Variants in RIMBP2 observed in about 807,000 individuals in gnomAD.
RIMBP2 encodes the protein RIMS binding protein 2.
Under a neutral mutation model 118.6 loss-of-function variants are expected in RIMBP2, and 48 were observed. That is an observed-to-expected ratio of 0.40 (90% CI 0.32 to 0.51). RIMBP2 has a LOEUF of 0.51. RIMBP2 is among the 20% of genes least tolerant of loss of function. The pLI is 0.41. For missense variants in RIMBP2, 1,551 were observed against 1,768.3 expected, an observed-to-expected ratio of 0.88 and a Z score of 2.20; for synonymous variants, 762 against 742.9, an observed-to-expected ratio of 1.03 and a Z score of -0.42.
At chr12:130,495,979 C>A (rs1297596020) in intron 4 of RIMBP2, among the ~76,000 whole-genome samples, 1 of 152,198 alleles carries the variant, frequency 6.6e-6, no homozygotes, top group South Asian at 2.1e-4. Flanking sequence ...CTGAGATCAA[C>A]GGGAACGTCC....
intron 4 of RIMBP2, among the ~76,000 whole-genome samples, chr12:130,484,563 C>A (rs556723218): frequency 4.0e-4 from 61 of 152,352 alleles, no homozygotes; most frequent in African/African-American, 1.4e-3. Flanking sequence ...AGGCACCTTG[C>A]CCCACTGTGT....
Position 130,645,621 on chromosome 12 carries a change from C to T in RIMBP2, c.-351-17165G>A, listed in dbSNP as rs566237407. Among the ~76,000 whole-genome samples, 5 of 152,306 alleles carry T rather than the reference C, an allele frequency of 3.3e-5. No homozygotes were observed. The East Asian group carries it at 9.7e-4, about 29-fold the overall frequency. ...AAGCACATAGCCTGGGGGACAAGGT[C>T]AAAGCCATTTTGTGGCTACAAGAGG... is the stretch of plus-strand genomic sequence containing the variant. On this transcript the variant is annotated intron_variant, in intron 1 of 22. Transcript: ENST00000690449.
rs146016428 is a variant in RIMBP2 at position 130,431,503 on chromosome 12, A to G, written c.2254-3166T>C. 5.3e-5 allele frequency: 18 copies of G among 336,656 alleles called. No homozygotes were observed. The highest frequency in any genetic ancestry group is 3.5e-4 in the African/African-American group (17 of 48,036). The allele number at this position is 336,656 out of a possible 1,614,324, so 20.9% of individuals were successfully genotyped here. Reference sequence around the variant, plus strand: ...TGAATCAATATTTAACGTTACTTTTAAAGAAAATATCTCAACTGTAAATGG... The same window carrying G: ...TGAATCAATATTTAACGTTACTTTTGAAGAAAATATCTCAACTGTAAATGG... On this transcript the variant is annotated intron_variant, in intron 14 of 22. Coordinates refer to ENST00000690449, the MANE Select transcript of RIMBP2 (RefSeq NM_001393629.1). The surrounding 1 kb of genome is among the most constrained non-coding windows in gnomAD (Gnocchi z 4.0).
At chr12:130,453,298 G>C (rs1004944038) in intron 7 of RIMBP2, among the ~76,000 whole-genome samples, 7 of 152,238 alleles carry the variant, frequency 4.6e-5, no homozygotes, top group African/African-American at 1.7e-4. Flanking sequence ...GAGTCCCTTT[G>C]TGGCCTGCCC....
intron 1 of RIMBP2, among the ~76,000 whole-genome samples, chr12:130,635,551 G>C (rs531616080): frequency 1.7e-4 from 26 of 152,284 alleles, no homozygotes; most frequent in Non-Finnish European, 2.5e-4. Context: ...TGGGACCCAA[G>C]CTGACAGAAT....
chr12:130,650,697 C>G (rs1282361180), intron 1 of RIMBP2, among the ~76,000 whole-genome samples: 1 of 152,130 alleles, frequency 6.6e-6, no homozygotes, highest in Non-Finnish European at 1.5e-5. Context: ...GTCTGAAGAC[C>G]CCTTTCCACC....
intron 2 of RIMBP2, among the ~76,000 whole-genome samples, chr12:130,551,871 C>G (rs73156914): frequency 0.18 from 27,717 of 152,220 alleles, 2,716 homozygotes; most frequent in East Asian, 0.26. Flanking sequence ...TACATTAAAT[C>G]CCCAAGTCAC....
rs1307637593 is a variant in RIMBP2 at position 130,615,274 on chromosome 12, TAC to T, written c.-217+13046_-217+13047del. Among the ~76,000 whole-genome samples, 21 of 77,672 alleles carry T rather than the reference TAC, an allele frequency of 2.7e-4. 1 individual carries two copies. The highest frequency in any genetic ancestry group is 1.5e-3 in the South Asian group (3 of 1,936). 51.0% of individuals were successfully genotyped at this position (77,672 alleles called of 152,430 possible). ...ATTATGTATATATACATAATACACA[TAC>T]ATATATATATATATATATATGTGTA... On this transcript the variant is annotated intron_variant, in intron 2 of 22. Coordinates refer to ENST00000690449, the MANE Select transcript of RIMBP2 (RefSeq NM_001393629.1).
chr12:130,713,605 C>G (rs1427980441), intron 1 of RIMBP2, among the ~76,000 whole-genome samples: 1 of 152,258 alleles, frequency 6.6e-6, no homozygotes, highest in East Asian at 1.9e-4. Flanking sequence ...ACCAGCACAG[C>G]CGATCCGGTT....
At chr12:130,553,735 C>A (rs1237956775) in intron 2 of RIMBP2, among the ~76,000 whole-genome samples, 1 of 152,162 alleles carries the variant, frequency 6.6e-6, no homozygotes, top group Non-Finnish European at 1.5e-5. Flanking sequence ...CTGAGGGAAA[C>A]CTTGTCTTGA....
At chr12:130,485,503 G>A (rs1443036413) in intron 4 of RIMBP2, among the ~76,000 whole-genome samples, 4 of 152,284 alleles carry the variant, frequency 2.6e-5, no homozygotes, top group South Asian at 4.1e-4. Context: ...AGCAGCTTTC[G>A]ACTTCCTCGC....
At chr12:130,471,200 G>T (rs571274606) in intron 5 of RIMBP2, among the ~76,000 whole-genome samples, 1 of 152,358 alleles carries the variant, frequency 6.6e-6, no homozygotes, top group East Asian at 1.9e-4. Flanking sequence ...GCAGCCTGTG[G>T]CAGGGCCGCC....
At chr12:130,612,182 G>C (rs2060597451) in intron 2 of RIMBP2, among the ~76,000 whole-genome samples, 1 of 152,014 alleles carries the variant, frequency 6.6e-6, no homozygotes. Context: ...GCAGCTGCTT[G>C]GATTGACCTG....
intron 2 of RIMBP2, among the ~76,000 whole-genome samples, chr12:130,547,721 A>C (rs2055319154): frequency 1.3e-5 from 2 of 152,230 alleles, no homozygotes; most frequent in Non-Finnish European, 2.9e-5. Flanking sequence ...CTGGTTCTTC[A>C]GTAACTCTCC....
chr12:130,653,855 T>C (rs1190568573), intron 1 of RIMBP2, among the ~76,000 whole-genome samples: 1 of 152,198 alleles, frequency 6.6e-6, no homozygotes, highest in African/African-American at 2.4e-5. Flanking sequence ...CAGGGTCCTT[T>C]GAGCTGAGGC....
Position 130,424,297 on chromosome 12 carries a change from C to G in RIMBP2, c.2974G>C (p.Gly992Arg). 1 of 1,231,590 alleles carries G rather than the reference C, an allele frequency of 8.1e-7. No individual in the cohort carries two copies. Among genetic ancestry groups the G allele is most frequent in the Non-Finnish European group, 1.0e-6 (1 of 987,802 alleles). 76.3% of individuals were successfully genotyped at this position (1,231,590 alleles called of 1,614,324 possible). The change falls in exon 16 of 23, where the codon GGC becomes CGC. Residue 992 changes from glycine (G) to arginine (R), a missense_variant. Transcript: ENST00000690449. This position sits in a 1 kb window ranked among gnomAD's most constrained non-coding sequence, Gnocchi z 9.8. ...TTCCTGGGGGGCGGCCTCTCCGGGC[C>G]GGGCTGGGGGTCGTCGTTCCTGAGG... ...GLLRNDDPQP[G>R]PERPPPRKHG...
At chr12:130,636,397 C>T (rs564760990) in intron 1 of RIMBP2, among the ~76,000 whole-genome samples, 77 of 152,272 alleles carry the variant, frequency 5.1e-4, no homozygotes, top group Middle Eastern at 3.4e-3. Flanking sequence ...TCTTATTTAC[C>T]AGCTGGTTCT....
chr12:130,462,133 T>C (rs1204504939), intron 6 of RIMBP2, among the ~76,000 whole-genome samples: 5 of 152,178 alleles, frequency 3.3e-5, no homozygotes, highest in African/African-American at 1.2e-4. Flanking sequence ...GGGGGTCAGG[T>C]TGGATCAAAT....
At chr12:130,625,548 C>T (rs1300996044) in intron 2 of RIMBP2, among the ~76,000 whole-genome samples, 3 of 150,978 alleles carry the variant, frequency 2.0e-5, no homozygotes, top group African/African-American at 7.3e-5. Context: ...TTCAAACAGT[C>T]ATGAGGACCT....
Sources: gnomAD v4.1 joint callset for allele counts (sites outside exome capture counted in the v4.1 genomes callset) on GRCh38, gnomAD v4.1.1 for gene constraint, Gnocchi (gnomAD v3.1) non-coding constraint, MANE v1.5 for transcripts, NCBI Gene and HGNC (gene_info 2026-07-23, HGNC 2026-07-21) for gene names.